The following ABCA13 variants were observed in gnomAD, a reference collection of about 807,000 sequenced individuals.
ABCA13 encodes the protein ATP binding cassette subfamily A member 13, also known as ATP-binding cassette sub-family A member 13.
In ABCA13, 476 loss-of-function variants were observed where a neutral mutation model predicts 478.7. The observed-to-expected ratio is 0.99, with a 90% CI of 0.92 to 1.07. ABCA13 has a LOEUF of 1.07. Among genes scored for constraint, ABCA13 ranks in the 50% least tolerant of loss-of-function variants. The probability of loss-of-function intolerance (pLI) is 0.00; values close to 1 mark genes in which losing one functional copy is unlikely to be tolerated. For missense variants in ABCA13, 6,060 were observed against 5,910.6 expected, an observed-to-expected ratio of 1.03 and a Z score of -0.83; for synonymous variants, 2,252 against 2,158.9, an observed-to-expected ratio of 1.04 and a Z score of -1.20.
At chr7:48,479,500 T>A (rs1828537879) in intron 45 of ABCA13, among the ~76,000 whole-genome samples, 2 of 152,222 alleles carry the variant, frequency 1.3e-5, no homozygotes, top group Middle Eastern at 6.8e-3. Context: ...CGCCTCCCAA[T>A]GTGCTGGGAT....
rs1322736220 is a variant in ABCA13 at position 48,516,837 on chromosome 7, A to G, written c.13753A>G (p.Ile4585Val). Residue 4585 changes from isoleucine to valine, a missense_variant, in exon 52 of 62, where the codon ATA (isoleucine) becomes GTA (valine). Coordinates refer to ENST00000435803, the MANE Select transcript of ABCA13 (RefSeq NM_152701.5). ...CATCTTTGGCCTTTGTACCATGCTC[A>G]TAACCATTATGCCCCGGTTGCTAGC... The part of the protein sequence containing the change: ...NFIFGLCTML[I>V]TIMPRLLAII... 2 of 1,613,588 alleles carry G rather than the reference A, an allele frequency of 1.2e-6. No individual in the cohort carries two copies. The highest frequency in any genetic ancestry group is 8.5e-7 in the Non-Finnish European group (1 of 1,179,686).
intron 59 of ABCA13, among the ~76,000 whole-genome samples, chr7:48,630,724 T>C (rs980297058): frequency 6.6e-6 from 1 of 152,106 alleles, no homozygotes; most frequent in African/African-American, 2.4e-5. Context: ...TTTTGAGAAG[T>C]CACCAAACTG....
At position 48,275,561 on chromosome 7, in the gene ABCA13, A is replaced by G; in HGVS notation, c.5895A>G (p.Thr1965=). 6.2e-7 allele frequency: 1 copy of G among 1,613,756 alleles called. No homozygotes were observed. The highest frequency in any genetic ancestry group is 8.5e-7 in the Non-Finnish European group (1 of 1,179,828). ...IIEKLKNVNF[T]KVTSGENILD... ...AAAAACTTAAAAATGTCAACTTTAC[A>G]AAAGTTACATCAGGTGAAAATATTC... Residue 1965 remains threonine (T), a synonymous_variant, in exon 17 of 62, where the codon ACA becomes ACG. Coordinates refer to ENST00000435803, the MANE Select transcript of ABCA13 (RefSeq NM_152701.5).
intron 15 of ABCA13, among the ~76,000 whole-genome samples, chr7:48,259,703 G>C (rs1793905397): frequency 2.9e-5 from 4 of 139,862 alleles, no homozygotes; most frequent in Admixed American, 1.5e-4. Context: ...TAATGTTAAT[G>C]ATCTATATAC....
chr7:48,387,806 T>C lies in ABCA13; in HGVS notation c.11336-16T>C. 6.5e-7 allele frequency: 1 copy of C among 1,528,036 alleles called. No homozygotes were observed. Among genetic ancestry groups the C allele is most frequent in the East Asian group, 2.4e-5 (1 of 41,878 alleles). The allele number at this position is 1,528,036 out of a possible 1,614,324, so 94.7% of individuals were successfully genotyped here. A position where few individuals can be genotyped will look rare whatever the true frequency, so the allele number is the denominator to read the frequency against. ...AAATAAAAAATTAAACTAATTTTAA[T>C]TGTTTCATTTTTTAGGAACATTTGG... is the stretch of plus-strand genomic sequence containing the variant. On this transcript the variant is annotated splice_polypyrimidine_tract_variant and intron_variant, in intron 35 of 61. Transcript: ENST00000435803.
chr7:48,372,311 T>C lies in ABCA13; in HGVS notation c.10947T>C (p.Ile3649=). Residue 3649 remains isoleucine (I), a synonymous_variant, in exon 33 of 62, where the codon ATT becomes ATC. Coordinates refer to ENST00000435803, the MANE Select transcript of ABCA13 (RefSeq NM_152701.5). ...TCTTTGCACACAGCAATACCTTTAT[T>C]GTTTTCCTCTTTCTCTTGGATTTTG... ...SGIFAHSNTF[I]VFLFLLDFGM... 1 of 1,613,920 alleles carries C rather than the reference T, an allele frequency of 6.2e-7. No individual in the cohort carries two copies. The highest frequency in any genetic ancestry group is 8.5e-7 in the Non-Finnish European group (1 of 1,179,842).
At chr7:48,335,735 C>T (rs924034150) in intron 28 of ABCA13, among the ~76,000 whole-genome samples, 200 bp downstream of exon 28, 3 of 152,094 alleles carry the variant, frequency 2.0e-5, no homozygotes, top group African/African-American at 4.8e-5. Context: ...AAAATGGTAT[C>T]GTTGTGAGAA....
chr7:48,603,447 G>A (rs1299502654), intron 58 of ABCA13, among the ~76,000 whole-genome samples: 2 of 152,152 alleles, frequency 1.3e-5, no homozygotes, highest in African/African-American at 2.4e-5. Context: ...AAGGGCTGTT[G>A]AATTTTGTCG....
chr7:48,578,993 G>A (rs909363044), intron 55 of ABCA13, among the ~76,000 whole-genome samples: 1 of 152,146 alleles, frequency 6.6e-6, no homozygotes, highest in Admixed American at 6.5e-5. Context: ...AACTCCAAGT[G>A]GATCTATGAC....
intron 47 of ABCA13, 108 bp from the exon 48 acceptor site, chr7:48,489,128 T>C: frequency 1.2e-6 from 1 of 845,812 alleles, no homozygotes; most frequent in Admixed American, 2.4e-5. Flanking sequence ...TGCACTCAGG[T>C]GCCTTGGAAG....
chr7:48,344,685 A>G (rs575688828), intron 29 of ABCA13, among the ~76,000 whole-genome samples: 1 of 152,220 alleles, frequency 6.6e-6, no homozygotes, highest in African/African-American at 2.4e-5. Flanking sequence ...TGTGAGATGA[A>G]GCAACCCAAT....
intron 36 of ABCA13, 84 bp downstream of exon 36, chr7:48,388,043 C>G (rs973999751): frequency 4.2e-6 from 6 of 1,435,396 alleles, no homozygotes; most frequent in Non-Finnish European, 5.7e-6. Flanking sequence ...TATGGTCCAG[C>G]CTTTTCAAGT....
Position 48,313,148 on chromosome 7 carries a change from G to A in ABCA13, c.9598G>A (p.Ala3200Thr), listed in dbSNP as rs554553164. ...CAGCCTCAGCGCCTTGCTTGCCAAAGCCCAGCACGTCTTTGAGTATCTTCC... is the reference window on the plus strand; with the variant it reads ...CAGCCTCAGCGCCTTGCTTGCCAAAACCCAGCACGTCTTTGAGTATCTTCC... ...VSSLSALLAK[A>T]QHVFEYLPEF... The change falls in exon 25 of 62, where the codon GCC becomes ACC. Residue 3200 changes from alanine (A) to threonine (T), a missense_variant. Physicochemically the swap from Ala to Thr is moderately conservative, Grantham distance 58. This residue lies in a region of ABCA13 where 4,423 missense variants were observed against 4,309.1 expected (regional missense o/e 1.03). Transcript: ENST00000435803. 1 of 1,613,034 alleles carries A rather than the reference G, an allele frequency of 6.2e-7. No homozygotes were observed. Among genetic ancestry groups the A allele is most frequent in the East Asian group, 2.2e-5 (1 of 44,848 alleles).
intron 1 of ABCA13, among the ~76,000 whole-genome samples, chr7:48,176,188 A>C (rs1484173545): frequency 6.6e-6 from 1 of 152,038 alleles, no homozygotes; most frequent in Admixed American, 6.5e-5. Context: ...TCCCCGCCCA[A>C]CTGGACAGGA....
At chr7:48,473,137 C>T (rs894729155) in intron 45 of ABCA13, among the ~76,000 whole-genome samples, 3 of 152,178 alleles carry the variant, frequency 2.0e-5, no homozygotes, top group Non-Finnish European at 4.4e-5. Flanking sequence ...GAACCACCCC[C>T]GTGTTCAGTT....
rs758745044 is a variant in ABCA13 at position 48,234,097 on chromosome 7, C to A, written c.843C>A (p.Gly281=). The change falls in exon 8 of 62, where the codon GGC becomes GGA. Residue 281 remains glycine, a synonymous_variant. Transcript: ENST00000435803. The part of the protein sequence containing the change: ...KVQYDLKSQF[G]FDDLHTEQIL... Reference sequence around the variant, plus strand: ...AGTATGATCTCAAATCCCAGTTTGGCTTTGATGATCTTCACACGGAACAGA... The same window carrying A: ...AGTATGATCTCAAATCCCAGTTTGGATTTGATGATCTTCACACGGAACAGA... 6.2e-7 allele frequency: 1 copy of A among 1,614,002 alleles called. No individual in the cohort carries two copies. Among genetic ancestry groups the A allele is most frequent in the South Asian group, 1.1e-5 (1 of 91,086 alleles).
chr7:48,499,172 G>C (rs1402356696), intron 48 of ABCA13, among the ~76,000 whole-genome samples: 1 of 151,968 alleles, frequency 6.6e-6, no homozygotes, highest in African/African-American at 2.4e-5. Flanking sequence ...CATTTTTTCA[G>C]GATAGATTGA....
chr7:48,262,587 C>G (rs1456887226), intron 15 of ABCA13, among the ~76,000 whole-genome samples: 1 of 151,844 alleles, frequency 6.6e-6, no homozygotes, highest in Non-Finnish European at 1.5e-5. Context: ...CTTTTCCATT[C>G]ATTTTATCTA....
chr7:48,245,473 T>C (rs1369292679), intron 11 of ABCA13, 39 bp from the exon 12 acceptor site: 1 of 1,528,072 alleles, frequency 6.5e-7, no homozygotes, highest in Non-Finnish European at 8.9e-7. Flanking sequence ...CAAGCTTACT[T>C]ACCTTAGGTG....
Sources: allele counts gnomAD v4.1 joint callset (sites outside exome capture counted in the v4.1 genomes callset), GRCh38; gene constraint gnomAD v4.1.1; regional missense constraint gnomAD v4.1.1; transcripts MANE v1.5; gene names NCBI Gene and HGNC (gene_info 2026-07-23, HGNC 2026-07-21).